The following IMMP2L variants were observed in gnomAD, a reference collection of about 807,000 sequenced individuals.
IMMP2L encodes inner mitochondrial membrane peptidase subunit 2.
A neutral mutation model predicts 19.3 loss-of-function variants in IMMP2L; 18 were observed. The ratio of observed to expected loss-of-function variants is 0.93; its 90% CI spans 0.64 to 1.38. The LOEUF (loss-of-function observed/expected upper bound fraction) is 1.38. Among genes scored for constraint, IMMP2L ranks in the 40% most tolerant of loss-of-function variants. The pLI, the probability that IMMP2L is intolerant of heterozygous loss-of-function variation, is 0.00. For synonymous variants in IMMP2L, 76 were observed against 73.0 expected (o/e 1.04, Z -0.21); for missense variants, 233 against 218.2 (o/e 1.07, Z -0.43).
intron 3 of IMMP2L, among the ~76,000 whole-genome samples, chr7:111,342,417 C>T (rs377675998): frequency 1.3e-5 from 2 of 151,978 alleles, no homozygotes; most frequent in East Asian, 3.9e-4. Flanking sequence ...CATGGTGAAA[C>T]CCTGTCTCTA....
At chr7:111,039,081 A>G (rs1791629248) in intron 3 of IMMP2L, among the ~76,000 whole-genome samples, 1 of 152,182 alleles carries the variant, frequency 6.6e-6, no homozygotes, top group African/African-American at 2.4e-5. Flanking sequence ...GATAAGCACA[A>G]TGTATAGAAT....
chr7:110,883,364 C>A (rs544447080), intron 5 of IMMP2L, among the ~76,000 whole-genome samples: 12 of 152,250 alleles, frequency 7.9e-5, no homozygotes, highest in Non-Finnish European at 1.6e-4. Context: ...CTATCATCTC[C>A]TATTAGGCAT....
chr7:111,071,800 A>T (rs1794977298), intron 3 of IMMP2L, among the ~76,000 whole-genome samples: 1 of 152,160 alleles, frequency 6.6e-6, no homozygotes. Context: ...TTGTAACTTG[A>T]TATAGGTGGT....
chr7:111,556,653 C>CA (rs1791399530), intron 1 of IMMP2L, among the ~76,000 whole-genome samples: 3 of 152,184 alleles, frequency 2.0e-5, no homozygotes, highest in Middle Eastern at 3.4e-3. Context: ...ACTTAATGGC[C>CA]ACTCTCCTTC....
At chr7:110,897,115 A>G (rs1003308383) in intron 4 of IMMP2L, among the ~76,000 whole-genome samples, 6 of 152,180 alleles carry the variant, frequency 3.9e-5, no homozygotes, top group Non-Finnish European at 7.4e-5. Flanking sequence ...GGATTGGGGA[A>G]AGCCTTTTAA....
intron 3 of IMMP2L, among the ~76,000 whole-genome samples, chr7:111,230,460 G>A (rs1355977275): frequency 6.6e-6 from 1 of 151,990 alleles, no homozygotes; most frequent in Non-Finnish European, 1.5e-5. Context: ...CTAATTTTAA[G>A]ACAGTTACTA....
chr7:110,893,014 C>A (rs1028510290), intron 4 of IMMP2L, among the ~76,000 whole-genome samples: 2 of 152,020 alleles, frequency 1.3e-5, no homozygotes, highest in Non-Finnish European at 2.9e-5. Flanking sequence ...TACAGGCATA[C>A]GTTCAATATA....
intron 1 of IMMP2L, among the ~76,000 whole-genome samples, chr7:111,557,357 A>C (rs1791488491): frequency 6.6e-6 from 1 of 152,132 alleles, no homozygotes; most frequent in Non-Finnish European, 1.5e-5. Flanking sequence ...AGTTTCATCT[A>C]GGAAGTGTAC....
intron 3 of IMMP2L, among the ~76,000 whole-genome samples, chr7:111,143,382 TC>T (rs1803145061): frequency 6.6e-6 from 1 of 152,112 alleles, no homozygotes. Context: ...TATGCAGCAT[TC>T]ACACTTGAGG....
chr7:111,157,959 C>T (rs1372939688), intron 3 of IMMP2L, among the ~76,000 whole-genome samples: 3 of 152,020 alleles, frequency 2.0e-5, no homozygotes, highest in South Asian at 2.1e-4. Flanking sequence ...GGTGATTACA[C>T]GACATTAACT....
intron 3 of IMMP2L, among the ~76,000 whole-genome samples, chr7:110,974,282 T>C (rs1454597942): frequency 1.3e-5 from 2 of 152,022 alleles, no homozygotes; most frequent in Non-Finnish European, 2.9e-5. Context: ...CCAAGAGACA[T>C]GGGCACAAAC....
chr7:111,022,888 T>TA (rs1491402530), intron 3 of IMMP2L, among the ~76,000 whole-genome samples: 3 of 148,290 alleles, frequency 2.0e-5, no homozygotes, highest in Non-Finnish European at 4.5e-5. Context: ...TTCTTTTTTT[T>TA]ATGGGAAAAT....
chr7:110,802,459 C>A (rs1801328475), intron 5 of IMMP2L, among the ~76,000 whole-genome samples: 1 of 151,010 alleles, frequency 6.6e-6, no homozygotes, highest in African/African-American at 2.4e-5. Context: ...TTGTTTACGT[C>A]AAATTAATAT....
intron 3 of IMMP2L, among the ~76,000 whole-genome samples, chr7:111,184,863 C>T (rs1808097208): frequency 6.6e-6 from 1 of 152,006 alleles, no homozygotes; most frequent in African/African-American, 2.4e-5. Flanking sequence ...CCAACCCACC[C>T]TCAAATTACT....
chr7:111,295,922 C>T (rs1328724284), intron 3 of IMMP2L, among the ~76,000 whole-genome samples: 1 of 148,026 alleles, frequency 6.8e-6, no homozygotes, highest in Non-Finnish European at 1.5e-5. Flanking sequence ...ATAAAACTTT[C>T]GGAACACATA....
intron 3 of IMMP2L, among the ~76,000 whole-genome samples, chr7:111,115,136 G>A (rs1554520113): frequency 1.3e-5 from 2 of 152,046 alleles, no homozygotes; most frequent in Non-Finnish European, 1.5e-5. Flanking sequence ...AAATAACAAG[G>A]TAAATAAAAG....
chr7:110,723,086 T>C (rs1387016144), intron 5 of IMMP2L, among the ~76,000 whole-genome samples: 2 of 152,050 alleles, frequency 1.3e-5, no homozygotes, highest in African/African-American at 2.4e-5. Flanking sequence ...AACACAGACA[T>C]ACCAACCATA....
intron 2 of IMMP2L, 134 bp from the exon 3 acceptor site, chr7:111,487,475 A>C (rs1842753092): frequency 1.9e-6 from 1 of 525,954 alleles, no homozygotes; most frequent in Non-Finnish European, 3.4e-6. Flanking sequence ...GCTGTTCTAA[A>C]GTAACTGCAA....
chr7:111,111,799 G>A (rs2129583862), intron 3 of IMMP2L, among the ~76,000 whole-genome samples: 1 of 151,800 alleles, frequency 6.6e-6, no homozygotes, highest in African/African-American at 2.4e-5. Flanking sequence ...AAAGTTAAGT[G>A]ACTGAACTCC....
Sources: gnomAD v4.1 joint callset for allele counts (sites outside exome capture counted in the v4.1 genomes callset) on GRCh38, gnomAD v4.1.1 for gene constraint, MANE v1.5 for transcripts, NCBI Gene and HGNC (gene_info 2026-07-23, HGNC 2026-07-21) for gene names.